PET100: variants seen among roughly 807,000 people sequenced by gnomAD.
The protein encoded by PET100 is protein PET100 homolog, mitochondrial.
PET100 carries 13 observed loss-of-function variants against 13.6 expected under a neutral mutation model. The ratio of observed to expected loss-of-function variants is 0.96; its 90% CI spans 0.62 to 1.52. The LOEUF is 1.52. PET100 is among the 40% of genes most tolerant of loss of function. PET100 has a pLI of 0.00. For missense variants in PET100, 94 were observed against 95.3 expected (o/e 0.99, Z 0.06); for synonymous variants, 28 against 30.8 (o/e 0.91, Z 0.30).
chr19:7,630,219 A>G, intron 1 of PET100: 1 of 447,454 alleles, frequency 2.2e-6, no homozygotes, highest in East Asian at 4.2e-5. Context: ...CGAGAAGTGG[A>G]GTTGAAGAGT....
Position 7,631,739 on chromosome 19 carries a change from G to GC in PET100, c.*183_*184insC. 2.8e-6 allele frequency: 4 copies of GC among 1,448,012 alleles called. No individual in the cohort carries two copies. Among genetic ancestry groups the GC allele is most frequent in the Non-Finnish European group, 3.6e-6 (4 of 1,098,226 alleles). 89.7% of individuals were successfully genotyped at this position (1,448,012 alleles called of 1,614,324 possible). A position where few individuals can be genotyped will look rare whatever the true frequency, so the allele number is the denominator to read the frequency against. On this transcript the variant is annotated 3_prime_UTR_variant, in exon 4 of 4. Transcript: ENST00000594797. ...GGGCTGCTGTTCCGACGGAAGCCGA[G>GC]AGCGGTCGGGTCCTGAGGGGTGAGC...
chr19:7,630,931 C>G, intron 3 of PET100, 85 bp downstream of exon 3: 1 of 1,487,716 alleles, frequency 6.7e-7, no homozygotes, highest in Non-Finnish European at 9.1e-7. Flanking sequence ...AATTTTAGGC[C>G]AGGCGCAGTG....
At chr19:7,630,962 G>A (rs2031271109) in intron 3 of PET100, 116 bp downstream of exon 3, 3 of 1,312,928 alleles carry the variant, frequency 2.3e-6, no homozygotes, top group South Asian at 2.5e-5. Flanking sequence ...GTAATCCCAG[G>A]GCATGGGAGG....
At chr19:7,630,012 G>A (rs911187486) in intron 1 of PET100, 152 bp downstream of exon 1, 2 of 1,014,000 alleles carry the variant, frequency 2.0e-6, no homozygotes, top group African/African-American at 3.3e-5. Flanking sequence ...TGGAAATCCA[G>A]GAGAGGGGAC....
At chr19:7,631,448 G>A (rs1238537310) in intron 3 of PET100, 25 bp from the exon 4 acceptor site, 2 of 1,523,686 alleles carry the variant, frequency 1.3e-6, no homozygotes, top group Non-Finnish European at 1.8e-6. Context: ...CCCCCTTCCT[G>A]TCCCACCCGC....
At chr19:7,631,441 C>T (rs761398599) in intron 3 of PET100, 32 bp from the exon 4 acceptor site, 7 of 1,522,320 alleles carry the variant, frequency 4.6e-6, no homozygotes, top group Middle Eastern at 1.9e-4. Context: ...GCCCCTCCCC[C>T]CTTCCTGTCC....
rs1260197875 is a variant in PET100, at chr19:7,629,918, G to A, written c.27+58G>A. Reference sequence around the variant, plus strand: ...GGCAGGGGATCTTCCTGGATCTGAAGATGAGGTTGGAAATGGGGGGACTTC... The same window carrying A: ...GGCAGGGGATCTTCCTGGATCTGAAAATGAGGTTGGAAATGGGGGGACTTC... On this transcript the variant is annotated intron_variant, in intron 1 of 3. Transcript: ENST00000594797. 8 of 1,471,366 alleles carry A rather than the reference G, an allele frequency of 5.4e-6. No individual in the cohort carries two copies. The African/African-American group carries it at 9.9e-5, about 18-fold the overall frequency. 91.1% of individuals were successfully genotyped at this position (1,471,366 alleles called of 1,614,324 possible).
In PET100 at chr19:7,629,822, G is replaced by T. The variant is rs1283257745; in HGVS notation, c.-12G>T. ...TTGGGCGGAACTGGCTTTGTTGACC[G>T]GGAGAAACGAGATGGGGGTGAAGCT... On this transcript the variant is annotated 5_prime_UTR_variant, in exon 1 of 4. Coordinates refer to ENST00000594797, the MANE Select transcript of PET100 (RefSeq NM_001171155.2). 6.5e-7 allele frequency: 1 copy of T among 1,536,698 alleles called. No individual in the cohort carries two copies. Among genetic ancestry groups the T allele is most frequent in the Non-Finnish European group, 8.7e-7 (1 of 1,146,708 alleles).
chr19:7,630,833 G>C lies in PET100; in HGVS notation c.125G>C (p.Trp42Ser), dbSNP rs1416767139. The C allele has an allele frequency of 1.3e-6, 2 of 1,537,240 alleles. No individual in the cohort carries two copies. Among genetic ancestry groups the C allele is most frequent in the African/African-American group, 2.7e-5 (2 of 73,132 alleles). The change falls in exon 3 of 4, where the codon TGG (tryptophan) becomes TCG (serine). Residue 42 changes from tryptophan (W) to serine (S), a missense_variant. Trp to Ser is a radical substitution (Grantham distance 177). Coordinates refer to ENST00000594797, the MANE Select transcript of PET100 (RefSeq NM_001171155.2). ...GACTTTTCCTTACAGAGGGAGCTGT[G>C]GCCACCTGAGAAGGTAAGTGATCTC... The part of the protein sequence containing the change: ...DDVIQRKREL[W>S]PPEKLQEIEE...
rs1056382403 is a variant in PET100, at chr19:7,631,730, G to A, written c.*174G>A. On this transcript the variant is annotated 3_prime_UTR_variant, in exon 4 of 4. Transcript: ENST00000594797. ...GGGGGCTGGGGGCTGCTGTTCCGAC[G>A]GAAGCCGAGAGCGGTCGGGTCCTGA... is the stretch of plus-strand genomic sequence containing the variant. 3.2e-5 allele frequency: 47 copies of A among 1,447,770 alleles called. No homozygotes were observed. Among genetic ancestry groups the A allele is most frequent in the African/African-American group, 5.8e-5 (4 of 68,720 alleles). 89.7% of individuals were successfully genotyped at this position (1,447,770 alleles called of 1,614,324 possible).
At chr19:7,630,440 G>A (rs1225954319) in intron 1 of PET100, 133 bp from the exon 2 acceptor site, 2 of 693,980 alleles carry the variant, frequency 2.9e-6, no homozygotes, top group African/African-American at 1.8e-5. Context: ...CCCTTGGTGG[G>A]AGTTCTGGGA....
intron 3 of PET100, 133 bp downstream of exon 3, chr19:7,630,979 T>A: frequency 8.5e-7 from 1 of 1,171,506 alleles, no homozygotes; most frequent in South Asian, 1.3e-5. Context: ...GAGGCTGAGG[T>A]GGGTAGATCA....
intron 3 of PET100, 24 bp downstream of exon 3, chr19:7,630,870 A>C: frequency 1.3e-6 from 2 of 1,537,190 alleles, no homozygotes; most frequent in Non-Finnish European, 1.7e-6. Context: ...TCTTCCTGCC[A>C]GAGGGATGGA....
intron 1 of PET100, chr19:7,630,285 G>C (rs1460921087): frequency 3.1e-5 from 16 of 514,920 alleles, no homozygotes; most frequent in Non-Finnish European, 5.6e-5. Flanking sequence ...TGGGTAATGA[G>C]GTCTCGAGGA....
intron 3 of PET100, chr19:7,631,160 G>T (rs2031276400): frequency 1.8e-6 from 2 of 1,094,526 alleles, no homozygotes; most frequent in East Asian, 5.6e-5. Context: ...GTGAGCCCAA[G>T]ATCACGCCAC....
rs1391964583 is a variant in PET100, at chr19:7,630,592, T to C, written c.47T>C (p.Phe16Ser). 9 of 1,537,124 alleles carry C rather than the reference T, an allele frequency of 5.9e-6. No homozygotes were observed. The highest frequency in any genetic ancestry group is 7.0e-6 in the Non-Finnish European group (8 of 1,146,810). Residue 16 changes from phenylalanine to serine, a missense_variant, in exon 2 of 4, where the codon TTC becomes TCC. Transcript: ENST00000594797. ...EIFRMIIYLT[F>S]PVAMFWVSNQ... ...TTCCAGATGATAATCTACCTCACTT[T>C]CCCTGTGGCTATGTTCTGGGTTTCC...
At position 7,630,856 on chromosome 19, in the gene PET100, CT is replaced by C; in HGVS notation, c.138+11del. ...GTGGCCACCTGAGAAGGTAAGTGAT[CT>C]CTTCTTCCTGCCAGAGGGATGGAGG... On this transcript the variant is annotated intron_variant, in intron 3 of 3. Transcript: ENST00000594797. 6.5e-7 allele frequency: 1 copy of C among 1,537,214 alleles called. No individual in the cohort carries two copies. The highest frequency in any genetic ancestry group is 1.2e-5 in the South Asian group (1 of 84,062).
chr19:7,630,895 T>A, intron 3 of PET100, 49 bp downstream of exon 3: 1 of 1,536,342 alleles, frequency 6.5e-7, no homozygotes, highest in Non-Finnish European at 8.7e-7. Flanking sequence ...GCTGGATTCT[T>A]GTATCCGGGA....
At position 7,629,849 on chromosome 19, in the gene PET100, G is replaced by C. The variant is rs1159555601; in HGVS notation, c.16G>C (p.Glu6Gln). MGVKL[E>Q]IFRMIIYLTF... Reference sequence around the variant, plus strand: ...GAGAAACGAGATGGGGGTGAAGCTGGAGATATTTCGGGTCAGTGGACACAG... The same window carrying C: ...GAGAAACGAGATGGGGGTGAAGCTGCAGATATTTCGGGTCAGTGGACACAG... Residue 6 changes from glutamate (E) to glutamine (Q), a missense_variant, in exon 1 of 4, where the codon GAG becomes CAG. Glu to Gln is a conservative substitution (Grantham distance 29, BLOSUM62 2). Coordinates refer to ENST00000594797, the MANE Select transcript of PET100 (RefSeq NM_001171155.2). 1 of 1,535,566 alleles carries C rather than the reference G, an allele frequency of 6.5e-7. No individual in the cohort carries two copies. The highest frequency in any genetic ancestry group is 8.7e-7 in the Non-Finnish European group (1 of 1,146,210).
Sources: gnomAD v4.1 joint callset for allele counts on GRCh38, gnomAD v4.1.1 for gene constraint, MANE v1.5 for transcripts, NCBI Gene and HGNC (gene_info 2026-07-23, HGNC 2026-07-21) for gene names.